PRKCE: variants seen among roughly 807,000 people sequenced by gnomAD.
PRKCE encodes protein kinase C epsilon type.
PRKCE carries 16 observed loss-of-function variants against 85.4 expected under a neutral mutation model. The observed-to-expected ratio is 0.19, with a 90% confidence interval of 0.13 to 0.28. The LOEUF is 0.28. PRKCE is among the 10% of genes least tolerant of loss of function. The pLI is 1.00. For synonymous variants in PRKCE, 388 were observed against 371.5 expected (o/e 1.04, Z -0.51); for missense variants, 573 against 975.2 (o/e 0.59, Z 5.49).
intron 2 of PRKCE, among the ~76,000 whole-genome samples, chr2:45,873,458 A>C (rs1386269755): frequency 3.0e-4 from 2 of 6,654 alleles, no homozygotes. Flanking sequence ...TAGACTGCAA[A>C]AAAAAAAAAA....
rs367914620 is a variant in PRKCE, at chr2:45,941,482, C to T, written c.413-34947C>T. ...ATACAGACCTACATCAAACCAGGCA[C>T]GGACGGATGTTTATAAAGCGTTAGA... On this transcript the variant is annotated intron_variant, in intron 2 of 14. Coordinates refer to ENST00000306156, the MANE Select transcript of PRKCE (RefSeq NM_005400.3). Among the ~76,000 whole-genome samples, 33 of 152,212 alleles carry T rather than the reference C, an allele frequency of 2.2e-4. No homozygotes were observed. In the South Asian group the frequency reaches 2.9e-3, roughly 13 times the overall value.
chr2:45,942,565 A>T (rs1699961628), intron 2 of PRKCE, among the ~76,000 whole-genome samples: 1 of 152,192 alleles, frequency 6.6e-6, no homozygotes, highest in Non-Finnish European at 1.5e-5. Context: ...ACAGCAGGGG[A>T]TGGCGTAGGG....
chr2:45,745,275 C>T (rs932707703), intron 1 of PRKCE, among the ~76,000 whole-genome samples: 18 of 152,076 alleles, frequency 1.2e-4, no homozygotes, highest in Non-Finnish European at 2.1e-4. Flanking sequence ...AGAGGAGGCC[C>T]GGGACACAGA....
chr2:45,845,061 C>CTTT (rs531961588), intron 2 of PRKCE, among the ~76,000 whole-genome samples: 4 of 137,376 alleles, frequency 2.9e-5, no homozygotes, highest in East Asian at 4.2e-4. Context: ...CATTTTTCTA[C>CTTT]TTTTTTTTTT....
At chr2:46,084,821 A>C (rs13432276) in intron 10 of PRKCE, among the ~76,000 whole-genome samples, 61,997 of 151,300 alleles carry the variant, frequency 0.41, 13,130 homozygotes, top group East Asian at 0.52. Context: ...TGGTCAGTTT[A>C]CTGGCCCCTA....
intron 1 of PRKCE, among the ~76,000 whole-genome samples, chr2:45,730,399 C>G (rs1573099525): frequency 6.6e-6 from 1 of 151,840 alleles, no homozygotes; most frequent in Non-Finnish European, 1.5e-5. Context: ...CTCAAGTGAT[C>G]CTCCTACCTT....
At chr2:45,837,567 GTTCTGA>G (rs1558733694) in intron 1 of PRKCE, among the ~76,000 whole-genome samples, 1 of 152,168 alleles carries the variant, frequency 6.6e-6, no homozygotes, top group East Asian at 1.9e-4. Flanking sequence ...TAGGGAGCAC[GTTCTGA>G]TTCTGCCAGT....
In PRKCE at chr2:46,186,538, A is replaced by G. The variant is rs1680461376; in HGVS notation, c.*1657A>G. On this transcript the variant is annotated 3_prime_UTR_variant, in exon 15 of 15. Coordinates refer to ENST00000306156, the MANE Select transcript of PRKCE (RefSeq NM_005400.3). ...AATACTCTGTAAGTCTATTGGTTCA[A>G]GTTACCGAGAGATAGGTGTGTTCCT... 1 of 152,496 alleles carries G rather than the reference A, an allele frequency of 6.6e-6. No homozygotes were observed. Among genetic ancestry groups the G allele is most frequent in the Admixed American group, 6.6e-5 (1 of 15,266 alleles). 9.4% of individuals were successfully genotyped at this position (152,496 alleles called of 1,614,324 possible). A position where few individuals can be genotyped will look rare whatever the true frequency, so the allele number is the denominator to read the frequency against.
chr2:45,767,085 T>C (rs1377684283), intron 1 of PRKCE, among the ~76,000 whole-genome samples: 1 of 151,544 alleles, frequency 6.6e-6, no homozygotes, highest in Non-Finnish European at 1.5e-5. Context: ...TTTGGAAAAA[T>C]GGCACGGTCA....
intron 2 of PRKCE, among the ~76,000 whole-genome samples, chr2:45,896,170 A>C (rs951633751): frequency 2.0e-5 from 3 of 152,178 alleles, no homozygotes; most frequent in African/African-American, 7.2e-5. Flanking sequence ...ATGGTCAGTT[A>C]TCCCTGCCAT....
chr2:45,682,486 G>T (rs370820761), intron 1 of PRKCE, among the ~76,000 whole-genome samples: 14 of 152,198 alleles, frequency 9.2e-5, no homozygotes, highest in East Asian at 7.7e-4. Context: ...GAGTGCAGTG[G>T]CACGATCTTG....
chr2:45,756,251 A>G (rs1015415182), intron 1 of PRKCE, among the ~76,000 whole-genome samples: 3 of 152,202 alleles, frequency 2.0e-5, no homozygotes, highest in East Asian at 3.8e-4. Context: ...TTGAAAAAGC[A>G]TGCCTCCAAA....
intron 2 of PRKCE, among the ~76,000 whole-genome samples, chr2:45,942,930 C>T (rs1699987206): frequency 6.6e-6 from 1 of 152,084 alleles, no homozygotes. Context: ...GAAAAGTTGT[C>T]CCCCCAACCT....
At chr2:46,071,125 A>C (rs1033416943) in intron 10 of PRKCE, among the ~76,000 whole-genome samples, 4 of 151,972 alleles carry the variant, frequency 2.6e-5, no homozygotes, top group South Asian at 2.1e-4. Flanking sequence ...CCCACACCCT[A>C]CTCATTTTGA....
intron 11 of PRKCE, among the ~76,000 whole-genome samples, chr2:46,100,477 T>C (rs983318538): frequency 5.9e-5 from 9 of 152,210 alleles, no homozygotes; most frequent in Admixed American, 5.9e-4. Context: ...CAAGAACTGC[T>C]GGCCGAGGAG....
intron 1 of PRKCE, among the ~76,000 whole-genome samples, chr2:45,670,345 C>G (rs1291716070): frequency 1.3e-5 from 2 of 152,188 alleles, no homozygotes; most frequent in African/African-American, 4.8e-5. Context: ...CCTGTCTAGG[C>G]TATTGGTTTT....
rs1410055798 is a variant in PRKCE at position 45,842,925 on chromosome 2, G to A, written c.349-75G>A. The A allele has an allele frequency of 3.5e-5, 47 of 1,352,626 alleles. 1 individual carries two copies. In the South Asian group the frequency reaches 4.3e-4, roughly 13 times the overall value. 83.8% of individuals were successfully genotyped at this position (1,352,626 alleles called of 1,614,324 possible). On this transcript the variant is annotated intron_variant, in intron 1 of 14. Coordinates refer to ENST00000306156, the MANE Select transcript of PRKCE (RefSeq NM_005400.3). ...GTGTCTCTAGGTTTTAGCAGTTTGG[G>A]GTAGAAATGTTGTGGAACTCTTAGG...
chr2:45,860,337 C>T (rs141053797), intron 2 of PRKCE, among the ~76,000 whole-genome samples: 139 of 152,306 alleles, frequency 9.1e-4, no homozygotes, highest in African/African-American at 3.1e-3. Flanking sequence ...GTGTACTGAT[C>T]CATGTAACTC....
chr2:45,653,132 C>A (rs1168457029), intron 1 of PRKCE, among the ~76,000 whole-genome samples: 2 of 152,072 alleles, frequency 1.3e-5, no homozygotes, highest in Non-Finnish European at 2.9e-5. Context: ...GAAGTCAGTG[C>A]TTTGAATCTT....
Sources: gnomAD v4.1 joint callset for allele counts (sites outside exome capture counted in the v4.1 genomes callset) on GRCh38, gnomAD v4.1.1 for gene constraint, MANE v1.5 for transcripts, NCBI Gene and HGNC (gene_info 2026-07-23, HGNC 2026-07-21) for gene names.